The following MAGI2 variants were observed in gnomAD, a reference collection of about 807,000 sequenced individuals.
The protein encoded by MAGI2 is membrane-associated guanylate kinase, WW and PDZ domain-containing protein 2.
Under a neutral mutation model 133.3 loss-of-function variants are expected in MAGI2, and 35 were observed. That is an observed-to-expected ratio of 0.26 (90% CI 0.20 to 0.35). The LOEUF is 0.35. Ranked by LOEUF, MAGI2 falls within the 10% of genes least tolerant of loss-of-function variation. The probability of loss-of-function intolerance (pLI) is 1.00; values close to 1 mark genes in which losing one functional copy is unlikely to be tolerated. For missense variants in MAGI2, 1,636 were observed against 1,863.4 expected (o/e 0.88, Z 2.25); for synonymous variants, 729 against 710.6 (o/e 1.03, Z -0.41).
At chr7:78,507,142 G>A (rs1266697513) in intron 4 of MAGI2, among the ~76,000 whole-genome samples, 1 of 152,164 alleles carries the variant, frequency 6.6e-6, no homozygotes, top group Non-Finnish European at 1.5e-5. Context: ...TCAGGCTGCT[G>A]TGAACTAAGC....
intron 20 of MAGI2, among the ~76,000 whole-genome samples, chr7:78,088,545 A>G (rs1816867826): frequency 6.6e-6 from 1 of 152,236 alleles, no homozygotes. Context: ...AGGGCTGTTG[A>G]GGCAATGAAG....
rs1459248929 is a variant in MAGI2, at chr7:79,047,088, A to C, written c.302-39882T>G. Among the ~76,000 whole-genome samples, 3 of 152,160 alleles carry C rather than the reference A, an allele frequency of 2.0e-5. No homozygotes were observed. The South Asian group carries it at 6.2e-4, about 31-fold the overall frequency. ...TATTCTTATATTCTCCCTTTTGGGA[A>C]TAGGAATAAAATTATGATGAGGCTA... On this transcript the variant is annotated intron_variant, in intron 1 of 21. Transcript: ENST00000354212.
In MAGI2 at chr7:79,219,634, G is replaced by C. The variant is rs577338295; in HGVS notation, c.302-212428C>G. 3.3e-5 allele frequency among the ~76,000 whole-genome samples: 5 copies of C among 151,996 alleles called. No individual in the cohort carries two copies. The South Asian group carries it at 8.3e-4, about 25-fold the overall frequency. ...ACATTTACCTTTTAAGATGCTTCAG[G>C]GACATAGAATGACAAATGAATGAGA... On this transcript the variant is annotated intron_variant, in intron 1 of 21. Coordinates refer to ENST00000354212, the MANE Select transcript of MAGI2 (RefSeq NM_012301.4).
intron 2 of MAGI2, among the ~76,000 whole-genome samples, chr7:78,855,684 T>C (rs903631403): frequency 6.6e-6 from 1 of 152,206 alleles, no homozygotes; most frequent in Non-Finnish European, 1.5e-5. Context: ...TTCCAAGTCT[T>C]TGCTATTGTG....
chr7:78,762,668 C>T (rs975831876), intron 2 of MAGI2, among the ~76,000 whole-genome samples: 6 of 152,054 alleles, frequency 3.9e-5, no homozygotes, highest in East Asian at 1.9e-4. Context: ...AAAATGACTC[C>T]GTTTTGGGAA....
chr7:79,135,760 G>A (rs1821340897), intron 1 of MAGI2, among the ~76,000 whole-genome samples: 1 of 151,674 alleles, frequency 6.6e-6, no homozygotes, highest in Non-Finnish European at 1.5e-5. Flanking sequence ...GGGCAACATA[G>A]CAATACTCTG....
At chr7:78,967,918 C>T (rs1187901224) in intron 2 of MAGI2, among the ~76,000 whole-genome samples, 1 of 152,064 alleles carries the variant, frequency 6.6e-6, no homozygotes, top group African/African-American at 2.4e-5. Flanking sequence ...GTAACTTCTG[C>T]CTCCTGGGTT....
At chr7:79,370,461 T>C (rs1842979682) in intron 1 of MAGI2, among the ~76,000 whole-genome samples, 2 of 152,112 alleles carry the variant, frequency 1.3e-5, no homozygotes, top group Admixed American at 6.5e-5. Context: ...ATGCATGTCT[T>C]ACTCATTTTG....
chr7:78,931,847 T>C (rs528528976), intron 2 of MAGI2, among the ~76,000 whole-genome samples: 2 of 152,248 alleles, frequency 1.3e-5, no homozygotes, highest in South Asian at 4.2e-4. Flanking sequence ...TTAAATGTTT[T>C]CTACTTTTAA....
intron 9 of MAGI2, among the ~76,000 whole-genome samples, chr7:78,278,251 G>C (rs541001470): frequency 1.6e-4 from 24 of 152,222 alleles, no homozygotes; most frequent in African/African-American, 4.3e-4. Context: ...CCATTAATTA[G>C]CTGCTGATTT....
intron 10 of MAGI2, among the ~76,000 whole-genome samples, chr7:78,236,464 C>T (rs1460190591): frequency 6.6e-6 from 1 of 152,170 alleles, no homozygotes; most frequent in Non-Finnish European, 1.5e-5. Context: ...AACAAATATG[C>T]ACGCCAAGCT....
At chr7:78,992,215 T>C (rs1263887635) in intron 2 of MAGI2, among the ~76,000 whole-genome samples, 1 of 152,028 alleles carries the variant, frequency 6.6e-6, no homozygotes, top group African/African-American at 2.4e-5. Flanking sequence ...CAGTTGTATG[T>C]ATTCTGTTTA....
At chr7:78,281,168 C>T (rs999417696) in intron 9 of MAGI2, among the ~76,000 whole-genome samples, 7 of 152,066 alleles carry the variant, frequency 4.6e-5, no homozygotes, top group Admixed American at 6.6e-5. Flanking sequence ...TTCTCCAGCA[C>T]TTATAATCTA....
intron 2 of MAGI2, among the ~76,000 whole-genome samples, chr7:78,747,458 T>TA (rs35633275): frequency 0.58 from 87,919 of 151,678 alleles, 25,649 homozygotes; most frequent in East Asian, 0.61. Flanking sequence ...GATGAGGTGA[T>TA]AAAACCCTTA....
At chr7:79,146,881 G>T (rs556125984) in intron 1 of MAGI2, among the ~76,000 whole-genome samples, 1 of 152,262 alleles carries the variant, frequency 6.6e-6, no homozygotes, top group African/African-American at 2.4e-5. Flanking sequence ...GTGTAACTCT[G>T]CCCTGATGGA....
intron 10 of MAGI2, among the ~76,000 whole-genome samples, chr7:78,210,899 T>C (rs113224754): frequency 4.6e-5 from 7 of 152,104 alleles, no homozygotes; most frequent in Non-Finnish European, 7.4e-5. Flanking sequence ...AGAAATCAGA[T>C]TGCAGTGGGT....
intron 21 of MAGI2, among the ~76,000 whole-genome samples, chr7:78,028,553 A>G (rs1809197581): frequency 6.6e-6 from 1 of 152,152 alleles, no homozygotes. Context: ...CTAACAGTTC[A>G]AAGAACTATG....
At chr7:78,325,880 TTC>T (rs1003530773) in intron 9 of MAGI2, among the ~76,000 whole-genome samples, 7 of 152,176 alleles carry the variant, frequency 4.6e-5, no homozygotes, top group African/African-American at 1.4e-4. Context: ...TGACTTCTGT[TTC>T]TCTCTCTCTC....
chr7:78,520,358 C>T (rs1796392274), intron 4 of MAGI2, among the ~76,000 whole-genome samples: 1 of 151,784 alleles, frequency 6.6e-6, no homozygotes, highest in Non-Finnish European at 1.5e-5. Context: ...ATAAAAATTC[C>T]AATACTATGT....
Sources: gnomAD v4.1 joint callset for allele counts (sites outside exome capture counted in the v4.1 genomes callset) on GRCh38, gnomAD v4.1.1 for gene constraint, MANE v1.5 for transcripts, NCBI Gene and HGNC (gene_info 2026-07-23, HGNC 2026-07-21) for gene names.